FHIT: variants seen among roughly 807,000 people sequenced by gnomAD.
FHIT encodes fragile histidine triad diadenosine triphosphatase, also known as bis(5'-adenosyl)-triphosphatase.
In FHIT, 19 loss-of-function variants were observed where a neutral mutation model predicts 17.9. The observed-to-expected ratio is 1.06, with a 90% CI of 0.74 to 1.56. FHIT has a LOEUF of 1.56. Among genes scored for constraint, FHIT ranks in the 40% most tolerant of loss-of-function variants. FHIT has a pLI of 0.00. For missense variants in FHIT, 248 were observed against 189.2 expected, an observed-to-expected ratio of 1.31 and a Z score of -1.82; for synonymous variants, 81 against 69.7, an observed-to-expected ratio of 1.16 and a Z score of -0.81.
intron 4 of FHIT, among the ~76,000 whole-genome samples, chr3:60,602,875 C>A (rs1431963507): frequency 1.3e-5 from 2 of 152,082 alleles, no homozygotes; most frequent in Non-Finnish European, 2.9e-5. Context: ...GAGAAAATAG[C>A]AAGAAAGTAC....
At chr3:60,758,122 G>A (rs1405629495) in intron 4 of FHIT, among the ~76,000 whole-genome samples, 1 of 152,184 alleles carries the variant, frequency 6.6e-6, no homozygotes, top group Non-Finnish European at 1.5e-5. Flanking sequence ...TTTCTCACAG[G>A]TTGGTTGTAT....
At chr3:61,070,689 T>C (rs1252605442) in intron 2 of FHIT, among the ~76,000 whole-genome samples, 1 of 152,214 alleles carries the variant, frequency 6.6e-6, no homozygotes, top group Non-Finnish European at 1.5e-5. Flanking sequence ...AGGACACCTT[T>C]TGAGAGCATC....
At chr3:60,107,169 TTTTG>T (rs59082946) in intron 5 of FHIT, among the ~76,000 whole-genome samples, 1,331 of 125,738 alleles carry the variant, frequency 0.011, 22 homozygotes, top group African/African-American at 0.032. Flanking sequence ...TTTTTTTTTT[TTTTG>T]TACACAAAGG....
At chr3:60,904,613 T>C (rs1251748953) in intron 3 of FHIT, among the ~76,000 whole-genome samples, 2 of 151,680 alleles carry the variant, frequency 1.3e-5, no homozygotes, top group Admixed American at 6.6e-5. Flanking sequence ...ATAAAATATA[T>C]CACAGATTAA....
intron 5 of FHIT, among the ~76,000 whole-genome samples, chr3:60,447,813 A>T (rs889403487): frequency 6.6e-6 from 1 of 152,188 alleles, no homozygotes; most frequent in Non-Finnish European, 1.5e-5. Flanking sequence ...ATCCAACTTA[A>T]GCCTTTCTGT....
intron 5 of FHIT, among the ~76,000 whole-genome samples, chr3:60,449,005 T>C (rs1353779699): frequency 6.6e-6 from 1 of 152,170 alleles, no homozygotes; most frequent in East Asian, 1.9e-4. Flanking sequence ...GGTCTGCTCT[T>C]TTCCACAAGT....
At chr3:60,025,734 GAA>G (rs71627518) in intron 5 of FHIT, among the ~76,000 whole-genome samples, 12 of 119,698 alleles carry the variant, frequency 1.0e-4, no homozygotes, top group African/African-American at 2.5e-4. Flanking sequence ...AATTCTACCA[GAA>G]AAAAAAAAAA....
intron 4 of FHIT, among the ~76,000 whole-genome samples, chr3:60,757,579 G>A (rs913568108): frequency 6.6e-6 from 1 of 152,184 alleles, no homozygotes; most frequent in Non-Finnish European, 1.5e-5. Flanking sequence ...AAGAGCCGGT[G>A]AGGACACTGA....
chr3:60,272,045 G>A (rs538372659), intron 5 of FHIT, among the ~76,000 whole-genome samples: 2 of 151,888 alleles, frequency 1.3e-5, no homozygotes, highest in Admixed American at 1.3e-4. Flanking sequence ...GCAGACAGAG[G>A]CAGCCTGGTT....
At chr3:60,159,910 C>T (rs1456301428) in intron 5 of FHIT, among the ~76,000 whole-genome samples, 1 of 152,164 alleles carries the variant, frequency 6.6e-6, no homozygotes, top group Non-Finnish European at 1.5e-5. Context: ...AATGCGTGCA[C>T]AAATGAGCAA....
intron 8 of FHIT, among the ~76,000 whole-genome samples, chr3:59,826,355 C>T (rs1209348299): frequency 6.6e-6 from 1 of 152,184 alleles, no homozygotes; most frequent in Non-Finnish European, 1.5e-5. Flanking sequence ...GTTCCCTTTT[C>T]CAGCAACTTC....
At chr3:60,457,859 A>C (rs1292744695) in intron 5 of FHIT, among the ~76,000 whole-genome samples, 3 of 152,154 alleles carry the variant, frequency 2.0e-5, no homozygotes, top group Admixed American at 6.6e-5. Flanking sequence ...CCATCAGAGA[A>C]ATGCAAATCA....
At chr3:60,105,286 G>T (rs1262990249) in intron 5 of FHIT, among the ~76,000 whole-genome samples, 1 of 152,128 alleles carries the variant, frequency 6.6e-6, no homozygotes, top group Non-Finnish European at 1.5e-5. Context: ...GAGACAGTAA[G>T]ATTTCATTGT....
chr3:59,786,993 AC>A (rs142390162), intron 8 of FHIT, among the ~76,000 whole-genome samples: 3,404 of 151,898 alleles, frequency 0.022, 84 homozygotes, highest in Non-Finnish European at 0.031. Context: ...GTGCACCCCT[AC>A]CCCCTTCTCA....
chr3:60,279,867 T>TA (rs1250385351), intron 5 of FHIT, among the ~76,000 whole-genome samples: 17 of 151,624 alleles, frequency 1.1e-4, no homozygotes, highest in Non-Finnish European at 2.2e-4. Flanking sequence ...CCGTCTCTAC[T>TA]AAAAATACAA....
chr3:60,106,207 C>T (rs1704403214), intron 5 of FHIT, among the ~76,000 whole-genome samples: 2 of 152,270 alleles, frequency 1.3e-5, no homozygotes, highest in South Asian at 2.1e-4. Flanking sequence ...TCTTACTTAA[C>T]GATAGCCCCA....
chr3:61,015,110 T>C (rs1029514759), intron 3 of FHIT, among the ~76,000 whole-genome samples: 13 of 152,114 alleles, frequency 8.5e-5, no homozygotes, highest in African/African-American at 2.7e-4. Context: ...TGAAACTTAA[T>C]TTAACAGTAA....
intron 4 of FHIT, among the ~76,000 whole-genome samples, chr3:60,750,820 T>C (rs1451992772): frequency 1.3e-5 from 2 of 152,210 alleles, no homozygotes; most frequent in East Asian, 3.9e-4. Flanking sequence ...TTATTCCTCT[T>C]ATTCCGGAGT....
chr3:60,142,484 ATTTT>A, intron 5 of FHIT, among the ~76,000 whole-genome samples: 1 of 152,010 alleles, frequency 6.6e-6, no homozygotes, highest in Non-Finnish European at 1.5e-5. Context: ...CAGGCTATTT[ATTTT>A]TTAATTTTTT....
Sources: gnomAD v4.1 joint callset for allele counts (sites outside exome capture counted in the v4.1 genomes callset) on GRCh38, gnomAD v4.1.1 for gene constraint, MANE v1.5 for transcripts, NCBI Gene and HGNC (gene_info 2026-07-23, HGNC 2026-07-21) for gene names.